Variants in SRRM5 observed in about 807,000 individuals in gnomAD.
SRRM5 encodes serine/arginine repetitive matrix 5.
A neutral mutation model predicts 1.3 loss-of-function variants in SRRM5; 1 was observed. That is an observed-to-expected ratio of 0.76 (90% CI 0.27 to 3.59). The LOEUF (loss-of-function observed/expected upper bound fraction) is 3.59. Among genes scored for constraint, SRRM5 ranks in the 30% most tolerant of loss-of-function variants. SRRM5 has a pLI of 0.19. For missense variants in SRRM5, 875 were observed against 914.5 expected, an observed-to-expected ratio of 0.96 and a Z score of 0.56; for synonymous variants, 275 against 320.2, an observed-to-expected ratio of 0.86 and a Z score of 1.51.
Position 43,614,282 on chromosome 19 carries a change from G to C in SRRM5, c.*13G>C. The stretch of plus-strand genomic sequence containing the variant: ...CAAGCTGGCGTAGCCCCCAGTCTCA[G>C]CTGGCTCACGGGTCTCTGTCATGAC... On this transcript the variant is annotated 3_prime_UTR_variant, in exon 1 of 1. Coordinates refer to ENST00000417606, the MANE Select transcript of SRRM5 (RefSeq NM_001145641.2). 1 of 1,611,994 alleles carries C rather than the reference G, an allele frequency of 6.2e-7. No homozygotes were observed. The highest frequency in any genetic ancestry group is 8.5e-7 in the Non-Finnish European group (1 of 1,178,742).
Position 43,613,479 on chromosome 19 carries a change from G to T in SRRM5, c.1358G>T (p.Arg453Ile). The T allele has an allele frequency of 1.3e-6, 2 of 1,545,050 alleles. No homozygotes were observed. The highest frequency in any genetic ancestry group is 1.7e-6 in the Non-Finnish European group (2 of 1,146,134). The stretch of plus-strand genomic sequence containing the variant: ...AAGGCGAGAGATCGCAGCCGATCTA[G>T]AAGTCCCAACAAGGCAAGAGATCAT... ...PYKARDRSRS[R>I]SPNKARDHSR... The change falls in exon 1 of 1, where the codon AGA becomes ATA. Residue 453 changes from arginine to isoleucine, a missense_variant. By Grantham distance (97) the Arg-to-Ile change is moderately conservative (BLOSUM62 -3). Transcript: ENST00000417606.
chr19:43,613,159 C>T lies in SRRM5; in HGVS notation c.1038C>T (p.Thr346=). ...GGAAAAGTCAAAACCAATCTAGAACCCCCAGAAGAGGAAGAAGTCACAACT... is the reference window on the plus strand; with the variant it reads ...GGAAAAGTCAAAACCAATCTAGAACTCCCAGAAGAGGAAGAAGTCACAACT... The part of the protein sequence containing the change: ...SKGKSQNQSR[T]PRRGRSHNWS... Residue 346 remains threonine, a synonymous_variant, in exon 1 of 1, where the codon ACC becomes ACT. Transcript: ENST00000417606. 1 of 1,551,628 alleles carries T rather than the reference C, an allele frequency of 6.4e-7. No homozygotes were observed. The highest frequency in any genetic ancestry group is 8.7e-7 in the Non-Finnish European group (1 of 1,146,990).
At position 43,613,559 on chromosome 19, in the gene SRRM5, A is replaced by T. The variant is rs947761213; in HGVS notation, c.1438A>T (p.Ser480Cys). The T allele has an allele frequency of 6.4e-7, 1 of 1,551,320 alleles. No individual in the cohort carries two copies. Among genetic ancestry groups the T allele is most frequent in the Non-Finnish European group, 8.7e-7 (1 of 1,146,694 alleles). The change falls in exon 1 of 1, where the codon AGC (serine) becomes TGC (cysteine). Residue 480 changes from serine (S) to cysteine (C), a missense_variant. Coordinates refer to ENST00000417606, the MANE Select transcript of SRRM5 (RefSeq NM_001145641.2). ...ARDRSRSRSPSKERDHSQLGS... is the reference protein window; with the variant it reads ...ARDRSRSRSPCKERDHSQLGS... ...AGATCGCAGCCGATCTAGAAGCCCC[A>T]GCAAGGAAAGAGATCACAGCCAACT...
Position 43,613,495 on chromosome 19 carries a change from A to G in SRRM5, c.1374A>G (p.Ala458=), listed in dbSNP as rs114806295. Residue 458 remains alanine (A), a synonymous_variant, in exon 1 of 1, where the codon GCA becomes GCG. Transcript: ENST00000417606. ...GCCGATCTAGAAGTCCCAACAAGGC[A>G]AGAGATCATAGCCGATCTAGAAGTC... is the stretch of plus-strand genomic sequence containing the variant. ...DRSRSRSPNK[A]RDHSRSRSPN... 9.1e-4 allele frequency: 1,382 copies of G among 1,526,778 alleles called. 36 individuals are homozygous for G. In the African/African-American group the frequency reaches 0.02, roughly 22 times the overall value. The allele number at this position is 1,526,778 out of a possible 1,614,324, so 94.6% of individuals were successfully genotyped here. A position where few individuals can be genotyped will look rare whatever the true frequency, so the allele number is the denominator to read the frequency against.
rs1195870284 is a variant in SRRM5 at position 43,613,866 on chromosome 19, G to C, written c.1745G>C (p.Arg582Thr). 1.3e-6 allele frequency: 2 copies of C among 1,551,508 alleles called. No individual in the cohort carries two copies. Among genetic ancestry groups the C allele is most frequent in the Non-Finnish European group, 1.7e-6 (2 of 1,146,948 alleles). The change falls in exon 1 of 1, where the codon AGA (arginine) becomes ACA (threonine). Residue 582 changes from arginine (R) to threonine (T), a missense_variant. Coordinates refer to ENST00000417606, the MANE Select transcript of SRRM5 (RefSeq NM_001145641.2). ...WRSPSKERER[R>T]QSRSSSEERD... is the part of the protein sequence containing the mutation. ...AGCCCCAGCAAGGAGAGAGAGCGCA[G>C]ACAATCTAGAAGCTCCAGCGAGGAG...
In SRRM5 at chr19:43,614,224, C is replaced by T; in HGVS notation, c.2103C>T (p.Thr701=). Reference sequence around the variant, plus strand: ...CCGACGCCACCACCTCTAAGGCCACCTTACCTGGGGAAAGGTCTTCATCAT... The same window carrying T: ...CCGACGCCACCACCTCTAAGGCCACTTTACCTGGGGAAAGGTCTTCATCAT... The part of the protein sequence containing the change: ...SQADATTSKA[T]LPGERSSSSS... Residue 701 remains threonine (T), a synonymous_variant, in exon 1 of 1, where the codon ACC becomes ACT. Coordinates refer to ENST00000417606, the MANE Select transcript of SRRM5 (RefSeq NM_001145641.2). 6.2e-7 allele frequency: 1 copy of T among 1,614,212 alleles called. No homozygotes were observed. The highest frequency in any genetic ancestry group is 8.5e-7 in the Non-Finnish European group (1 of 1,180,042).
At position 43,614,442 on chromosome 19, in the gene SRRM5, G is replaced by A. The variant is rs1973351498; in HGVS notation, c.*173G>A. 6 of 1,445,224 alleles carry A rather than the reference G, an allele frequency of 4.2e-6. No homozygotes were observed. Among genetic ancestry groups the A allele is most frequent in the Non-Finnish European group, 5.4e-6 (6 of 1,103,516 alleles). The allele number at this position is 1,445,224 out of a possible 1,614,324, so 89.5% of individuals were successfully genotyped here. On this transcript the variant is annotated 3_prime_UTR_variant, in exon 1 of 1. Coordinates refer to ENST00000417606, the MANE Select transcript of SRRM5 (RefSeq NM_001145641.2). ...GGCAGGTAGAGAGGGATGCTGGATAGGGGGAAAGGAAAGACCTGTGATGAT... is the reference window on the plus strand; with the variant it reads ...GGCAGGTAGAGAGGGATGCTGGATAAGGGGAAAGGAAAGACCTGTGATGAT...
In SRRM5 at chr19:43,613,070, C is replaced by T. The variant is rs988852413; in HGVS notation, c.949C>T (p.Arg317Cys). 34 of 1,551,292 alleles carry T rather than the reference C, an allele frequency of 2.2e-5. No individual in the cohort carries two copies. The highest frequency in any genetic ancestry group is 2.4e-5 in the South Asian group (2 of 84,038). Residue 317 changes from arginine to cysteine, a missense_variant, in exon 1 of 1, where the codon CGC (arginine) becomes TGC (cysteine). Arg to Cys is a radical substitution (Grantham distance 180, BLOSUM62 -3). Transcript: ENST00000417606. ...GAGAAACCATAGCAGGGCAAGAAGT[C>T]GCACCCGGAAGGGAATTCTGAGCCA... ...WKRNHSRARS[R>C]TRKGILSQMG...
rs567729320 is a variant in SRRM5 at position 43,614,168 on chromosome 19, G to A, written c.2047G>A (p.Gly683Ser). The change falls in exon 1 of 1, where the codon GGC becomes AGC. Residue 683 changes from glycine (G) to serine (S), a missense_variant. Coordinates refer to ENST00000417606, the MANE Select transcript of SRRM5 (RefSeq NM_001145641.2). Reference sequence around the variant, plus strand: ...CTCCCCATCAACATTTCCCAGTGGGGGCCAAACCCTAAGCCAGGATGACAG... The same window carrying A: ...CTCCCCATCAACATTTCCCAGTGGGAGCCAAACCCTAAGCCAGGATGACAG... ...SHSPSTFPSG[G>S]QTLSQDDSQA... 30 of 1,614,064 alleles carry A rather than the reference G, an allele frequency of 1.9e-5. No individual in the cohort carries two copies. The Admixed American group carries it at 2.3e-4, about 13-fold the overall frequency.
chr19:43,614,126 A>G lies in SRRM5; in HGVS notation c.2005A>G (p.Ser669Gly), dbSNP rs779423314. 5.0e-6 allele frequency: 8 copies of G among 1,606,732 alleles called. No homozygotes were observed. Among genetic ancestry groups the G allele is most frequent in the South Asian group, 1.1e-5 (1 of 90,158 alleles). ...CAGTCTCAGTCAGAATAGAACCCCT[A>G]GCAAGACAAGCAGCCACTCCCCATC... ...TSSLSQNRTP[S>G]KTSSHSPSTF... is the part of the protein sequence containing the mutation. The change falls in exon 1 of 1, where the codon AGC becomes GGC. Residue 669 changes from serine (S) to glycine (G), a missense_variant. Transcript: ENST00000417606.
At position 43,612,408 on chromosome 19, in the gene SRRM5, C is replaced by G. The variant is rs775290946; in HGVS notation, c.287C>G (p.Thr96Ser). ...SKARTPSRVS[T>S]DTRTSKASKA... is the part of the protein sequence containing the mutation. ...GCAAGAACACCCAGCAGGGTGAGCA[C>G]CGACACCAGGACCAGCAAAGCCAGC... The change falls in exon 1 of 1, where the codon ACC (threonine) becomes AGC (serine). Residue 96 changes from threonine to serine, a missense_variant. Coordinates refer to ENST00000417606, the MANE Select transcript of SRRM5 (RefSeq NM_001145641.2). This position sits in a 1 kb window ranked among gnomAD's most constrained non-coding sequence, Gnocchi z 4.2. The G allele has an allele frequency of 4.8e-5, 75 of 1,551,526 alleles. No individual in the cohort carries two copies. The highest frequency in any genetic ancestry group is 6.1e-5 in the Non-Finnish European group (70 of 1,146,994).
chr19:43,612,445 C>T lies in SRRM5; in HGVS notation c.324C>T (p.Asp108=), dbSNP rs1245827846. The change falls in exon 1 of 1, where the codon GAC becomes GAT. Residue 108 remains aspartate (D), a synonymous_variant. Coordinates refer to ENST00000417606, the MANE Select transcript of SRRM5 (RefSeq NM_001145641.2). The surrounding 1 kb of genome is among the most constrained non-coding windows in gnomAD (Gnocchi z 4.2). ...CCAGCAAAGCCAGCAAGGCCAGCGACGTGAGATGCCACCAGCGGAGGGGCA... is the reference window on the plus strand; with the variant it reads ...CCAGCAAAGCCAGCAAGGCCAGCGATGTGAGATGCCACCAGCGGAGGGGCA... The part of the protein sequence containing the change: ...TRTSKASKAS[D]VRCHQRRGTH... 4.5e-6 allele frequency: 7 copies of T among 1,551,436 alleles called. No homozygotes were observed. In the Admixed American group the frequency reaches 5.9e-5, roughly 13 times the overall value.
rs1973320929 is a variant in SRRM5 at position 43,613,046 on chromosome 19, A to G, written c.925A>G (p.Arg309Gly). Residue 309 changes from arginine to glycine, a missense_variant, in exon 1 of 1, where the codon AGA becomes GGA. Physicochemically the swap from Arg to Gly is moderately radical, Grantham distance 125 (BLOSUM62 -2). Transcript: ENST00000417606. The part of the protein sequence containing the change: ...HSRVRSHSWK[R>G]NHSRARSRTR... Reference sequence around the variant, plus strand: ...CAGAGTGAGAAGTCACAGTTGGAAGAGAAACCATAGCAGGGCAAGAAGTCG... The same window carrying G: ...CAGAGTGAGAAGTCACAGTTGGAAGGGAAACCATAGCAGGGCAAGAAGTCG... 6.4e-7 allele frequency: 1 copy of G among 1,551,548 alleles called. No homozygotes were observed. The highest frequency in any genetic ancestry group is 1.2e-5 in the South Asian group (1 of 84,048).
rs371417784 is a variant in SRRM5, at chr19:43,613,860, A to G, written c.1739A>G (p.Glu580Gly). 7 of 1,551,560 alleles carry G rather than the reference A, an allele frequency of 4.5e-6. 1 individual carries two copies. The South Asian group carries it at 7.1e-5, about 16-fold the overall frequency. ...RRWRSPSKER[E>G]RRQSRSSSEE... is the part of the protein sequence containing the mutation. ...TGGAGAAGCCCCAGCAAGGAGAGAG[A>G]GCGCAGACAATCTAGAAGCTCCAGC... Residue 580 changes from glutamate to glycine, a missense_variant, in exon 1 of 1, where the codon GAG becomes GGG. Transcript: ENST00000417606.
In SRRM5 at chr19:43,612,349, C is replaced by G. The variant is rs1293550502; in HGVS notation, c.228C>G (p.Asn76Lys). Residue 76 changes from asparagine (N) to lysine (K), a missense_variant, in exon 1 of 1, where the codon AAC (asparagine) becomes AAG (lysine). By Grantham distance (94) the Asn-to-Lys change is moderately conservative (BLOSUM62 0). Coordinates refer to ENST00000417606, the MANE Select transcript of SRRM5 (RefSeq NM_001145641.2). This position sits in a 1 kb window ranked among gnomAD's most constrained non-coding sequence, Gnocchi z 4.2. ...CCAGTACAAAAAGAGCCCCTTCTAA[C>G]CGGCCCAGCAGCAGGTCCCGAGTCC... ...KSTSTKRAPS[N>K]RPSSRSRVRS... is the part of the protein sequence containing the mutation. The G allele has an allele frequency of 6.4e-7, 1 of 1,551,732 alleles. No individual in the cohort carries two copies. The highest frequency in any genetic ancestry group is 8.7e-7 in the Non-Finnish European group (1 of 1,147,004).
rs1396703274 is a variant in SRRM5, at chr19:43,613,668, G to A, written c.1547G>A (p.Ser516Asn). ...CAGTGCAGACAATCTAGAAGCTCCA[G>A]CAAAGAGAGAGATCACAGACGATCT... is the stretch of plus-strand genomic sequence containing the variant. Reference protein sequence around the residue: ...ERQCRQSRSSSKERDHRRSRS... With the variant: ...ERQCRQSRSSNKERDHRRSRS... Residue 516 changes from serine (S) to asparagine (N), a missense_variant, in exon 1 of 1, where the codon AGC becomes AAC. Coordinates refer to ENST00000417606, the MANE Select transcript of SRRM5 (RefSeq NM_001145641.2). The A allele has an allele frequency of 1.3e-6, 2 of 1,549,894 alleles. No individual in the cohort carries two copies. The highest frequency in any genetic ancestry group is 2.4e-5 in the South Asian group (2 of 84,004).
At position 43,614,333 on chromosome 19, in the gene SRRM5, C is replaced by A; in HGVS notation, c.*64C>A. The A allele has an allele frequency of 6.3e-7, 1 of 1,575,152 alleles. No homozygotes were observed. The highest frequency in any genetic ancestry group is 8.6e-7 in the Non-Finnish European group (1 of 1,161,772). ...CGGGGGAGGGGACAGGAGACAGGAG[C>A]AGAGCAGCAGCTGAGCAGCGTCCCT... On this transcript the variant is annotated 3_prime_UTR_variant, in exon 1 of 1. Transcript: ENST00000417606.
At position 43,613,437 on chromosome 19, in the gene SRRM5, G is replaced by T. The variant is rs1010210434; in HGVS notation, c.1316G>T (p.Arg439Leu). ...CCCAACAAGGCGAGAGATTGCAGCC[G>T]ATCTAGAAGTCCCTACAAGGCGAGA... ...RSPNKARDCS[R>L]SRSPYKARDR... The change falls in exon 1 of 1, where the codon CGA (arginine) becomes CTA (leucine). Residue 439 changes from arginine to leucine, a missense_variant. Physicochemically the swap from Arg to Leu is moderately radical, Grantham distance 102 (BLOSUM62 -2). Coordinates refer to ENST00000417606, the MANE Select transcript of SRRM5 (RefSeq NM_001145641.2). 6.5e-7 allele frequency: 1 copy of T among 1,543,944 alleles called. No homozygotes were observed. The highest frequency in any genetic ancestry group is 1.4e-5 in the African/African-American group (1 of 71,536).
Position 43,613,443 on chromosome 19 carries a change from G to T in SRRM5, c.1322G>T (p.Arg441Ile). 6.5e-7 allele frequency: 1 copy of T among 1,545,010 alleles called. No individual in the cohort carries two copies. The highest frequency in any genetic ancestry group is 1.2e-5 in the South Asian group (1 of 83,552). Reference protein sequence around the residue: ...PNKARDCSRSRSPYKARDRSR... With the variant: ...PNKARDCSRSISPYKARDRSR... ...AAGGCGAGAGATTGCAGCCGATCTA[G>T]AAGTCCCTACAAGGCGAGAGATCGC... The change falls in exon 1 of 1, where the codon AGA (arginine) becomes ATA (isoleucine). Residue 441 changes from arginine (R) to isoleucine (I), a missense_variant. By Grantham distance (97) the Arg-to-Ile change is moderately conservative. Coordinates refer to ENST00000417606, the MANE Select transcript of SRRM5 (RefSeq NM_001145641.2).
Sources: allele counts gnomAD v4.1 joint callset, GRCh38; gene constraint gnomAD v4.1.1; non-coding constraint Gnocchi (gnomAD v3.1); transcripts MANE v1.5; gene names NCBI Gene and HGNC (gene_info 2026-07-23, HGNC 2026-07-21).